SAP30BP: variants seen among roughly 807,000 people sequenced by gnomAD.
The protein encoded by SAP30BP is SAP30-binding protein.
A neutral mutation model predicts 46.3 loss-of-function variants in SAP30BP; 31 were observed. The ratio of observed to expected loss-of-function variants is 0.67; its 90% confidence interval spans 0.50 to 0.90. SAP30BP has a LOEUF of 0.90. Among genes scored for constraint, SAP30BP ranks in the 40% least tolerant of loss-of-function variants. The probability of loss-of-function intolerance (pLI) is 0.00; values close to 1 mark genes in which losing one functional copy is unlikely to be tolerated. For missense variants in SAP30BP, 312 were observed against 391.0 expected, an observed-to-expected ratio of 0.80 and a Z score of 1.70; for synonymous variants, 169 against 144.2, an observed-to-expected ratio of 1.17 and a Z score of -1.23.
At chr17:75,692,607 C>G in intron 3 of SAP30BP, 2 of 697,166 alleles carry the variant, frequency 2.9e-6, no homozygotes, top group Non-Finnish European at 3.5e-6. Context: ...GTGGCTTTCT[C>G]AGCATTGATT....
intron 4 of SAP30BP, among the ~76,000 whole-genome samples, chr17:75,693,935 C>G (rs974339677): frequency 6.6e-6 from 1 of 152,198 alleles, no homozygotes; most frequent in African/African-American, 2.4e-5. Flanking sequence ...GTCTGGGGCT[C>G]TTTGTGATTT....
intron 3 of SAP30BP, 105 bp from the exon 4 acceptor site, chr17:75,693,335 G>A (rs750004132): frequency 2.1e-5 from 20 of 945,184 alleles, no homozygotes; most frequent in Non-Finnish European, 2.9e-5. Flanking sequence ...TCCTGGCAGT[G>A]CTTTTACTTT....
chr17:75,671,777 C>G, intron 2 of SAP30BP, 39 bp from the exon 3 acceptor site: 1 of 1,565,946 alleles, frequency 6.4e-7, no homozygotes, highest in Non-Finnish European at 8.8e-7. Flanking sequence ...CTCAGGCCCG[C>G]TCCTTTAAGC....
chr17:75,689,261 C>T (rs1395457074), intron 3 of SAP30BP, among the ~76,000 whole-genome samples: 2 of 151,242 alleles, frequency 1.3e-5, no homozygotes. Context: ...GGATTACAGG[C>T]ATGCACCACC....
intron 3 of SAP30BP, 128 bp downstream of exon 3, chr17:75,671,991 G>A (rs1486002216): frequency 1.3e-6 from 1 of 795,646 alleles, no homozygotes; most frequent in Non-Finnish European, 2.2e-6. Context: ...CATTTTCTGG[G>A]ATAAAATAAG....
At chr17:75,674,710 T>TG (rs200916900) in intron 3 of SAP30BP, among the ~76,000 whole-genome samples, 5,230 of 124,820 alleles carry the variant, frequency 0.042, 164 homozygotes, top group Admixed American at 0.051. Flanking sequence ...TTTTTTTTTT[T>TG]TTTTTTTTTT....
intron 1 of SAP30BP, among the ~76,000 whole-genome samples, chr17:75,667,761 C>T (rs1027469850): frequency 1.9e-4 from 29 of 152,362 alleles, no homozygotes; most frequent in African/African-American, 6.5e-4. Flanking sequence ...TGCTCAGCCA[C>T]TGCCTGTTTC....
intron 3 of SAP30BP, among the ~76,000 whole-genome samples, chr17:75,686,502 C>T (rs1237593712): frequency 1.3e-5 from 2 of 150,834 alleles, no homozygotes; most frequent in Non-Finnish European, 2.9e-5. Flanking sequence ...GGCAACAGAG[C>T]GGGACTCCAT....
intron 9 of SAP30BP, chr17:75,705,770 A>C: frequency 9.4e-7 from 1 of 1,064,178 alleles, no homozygotes; most frequent in East Asian, 3.8e-5. Flanking sequence ...GGGCATGTGC[A>C]GAGACCTGGT....
In SAP30BP at chr17:75,706,064, CACT is replaced by C. The variant is rs372648052; in HGVS notation, c.720_722del (p.Thr242del). On this transcript the variant is annotated inframe_deletion, in exon 10 of 11. Coordinates refer to ENST00000584667, the MANE Select transcript of SAP30BP (RefSeq NM_013260.8). This position sits in a 1 kb window ranked among gnomAD's most constrained non-coding sequence, Gnocchi z 4.6. ...CCACGACCAACGCCACGTCCACCAC[CACT>C]ACCACTGCCAGCACAGCTGTTGCAG... 149 of 1,613,498 alleles carry C rather than the reference CACT, an allele frequency of 9.2e-5. No homozygotes were observed. Among genetic ancestry groups the C allele is most frequent in the Non-Finnish European group, 1.2e-4 (141 of 1,179,838 alleles).
At chr17:75,692,725 A>G (rs1445613005) in intron 3 of SAP30BP, 3 of 155,712 alleles carry the variant, frequency 1.9e-5, no homozygotes, top group African/African-American at 7.2e-5. Flanking sequence ...GTCATGGGAC[A>G]CTGTTTGCAT....
intron 4 of SAP30BP, among the ~76,000 whole-genome samples, chr17:75,699,340 T>C (rs1469868828): frequency 6.6e-6 from 1 of 152,172 alleles, no homozygotes; most frequent in Non-Finnish European, 1.5e-5. Flanking sequence ...TTTACAGGCA[T>C]GCATCACCAT....
intron 5 of SAP30BP, among the ~76,000 whole-genome samples, chr17:75,701,039 G>A (rs1198769155): frequency 6.6e-6 from 1 of 152,152 alleles, no homozygotes; most frequent in Non-Finnish European, 1.5e-5. Flanking sequence ...GAGACAGCTT[G>A]GAGGACAGAG....
intron 5 of SAP30BP, among the ~76,000 whole-genome samples, chr17:75,701,660 A>G (rs2060412955): frequency 6.6e-6 from 1 of 152,144 alleles, no homozygotes; most frequent in Non-Finnish European, 1.5e-5. Flanking sequence ...AGTTTGCAAG[A>G]CCGAATCCAA....
Position 75,706,362 on chromosome 17 carries a change from G to A in SAP30BP, c.768G>A (p.Lys256=), listed in dbSNP as rs2060497660. 6.2e-7 allele frequency: 1 copy of A among 1,613,762 alleles called. No individual in the cohort carries two copies. The part of the protein sequence containing the change: ...AVADAQKRKS[K]WDSAIPVTTI... The stretch of plus-strand genomic sequence containing the variant: ...CAGATGCTCAGAAGAGAAAGAGCAA[G>A]TGGGATTCGGCTATCCCAGTGACAA... The change falls in exon 11 of 11, where the codon AAG becomes AAA. Residue 256 remains lysine, a synonymous_variant. Coordinates refer to ENST00000584667, the MANE Select transcript of SAP30BP (RefSeq NM_013260.8). The surrounding 1 kb of genome is among the most constrained non-coding windows in gnomAD (Gnocchi z 4.6).
chr17:75,704,889 G>A (rs974262685), intron 9 of SAP30BP, 75 bp downstream of exon 9: 14 of 1,210,212 alleles, frequency 1.2e-5, no homozygotes, highest in Non-Finnish European at 1.7e-5. Context: ...AGCCCAGAAG[G>A]TGTCCAGGCT....
rs781778952 is a variant in SAP30BP, at chr17:75,706,085, T to C, written c.738T>C (p.Ala246=). The C allele has an allele frequency of 5.6e-6, 9 of 1,612,238 alleles. No homozygotes were observed. The Admixed American group carries it at 1.5e-4, about 27-fold the overall frequency. ...CCACCACTACCACTGCCAGCACAGC[T>C]GTTGCAGGTAGATTGCAGAGCTGCC... is the stretch of plus-strand genomic sequence containing the variant. ...TSTTTTTAST[A]VADAQKRKSK... Residue 246 remains alanine (A), a synonymous_variant, in exon 10 of 11, where the codon GCT becomes GCC. Transcript: ENST00000584667. This position sits in a 1 kb window ranked among gnomAD's most constrained non-coding sequence, Gnocchi z 4.6.
intron 9 of SAP30BP, chr17:75,705,314 CTG>C (rs1210279722): frequency 5.9e-6 from 1 of 170,558 alleles, no homozygotes; most frequent in Non-Finnish European, 1.3e-5. Flanking sequence ...GGAGACCAAA[CTG>C]TTATCTCTGG....
intron 3 of SAP30BP, chr17:75,679,655 C>T (rs1040094761): frequency 3.3e-5 from 5 of 152,120 alleles, no homozygotes; most frequent in African/African-American, 4.8e-5. Flanking sequence ...CCCAAACTAG[C>T]GAACAGGAGA....
Sources: gnomAD v4.1 joint callset for allele counts (sites outside exome capture counted in the v4.1 genomes callset) on GRCh38, gnomAD v4.1.1 for gene constraint, Gnocchi (gnomAD v3.1) non-coding constraint, MANE v1.5 for transcripts, NCBI Gene and HGNC (gene_info 2026-07-23, HGNC 2026-07-21) for gene names.